The following LRRC7 variants were observed in gnomAD, a reference collection of about 807,000 sequenced individuals.
LRRC7 encodes leucine-rich repeat-containing protein 7.
Under a neutral mutation model 175.7 loss-of-function variants are expected in LRRC7, and 23 were observed. The ratio of observed to expected loss-of-function variants is 0.13; its 90% CI spans 0.09 to 0.19. The LOEUF (loss-of-function observed/expected upper bound fraction) is 0.19. Among genes scored for constraint, LRRC7 ranks in the 10% least tolerant of loss-of-function variants. The probability of loss-of-function intolerance (pLI) is 1.00; values close to 1 mark genes in which losing one functional copy is unlikely to be tolerated. For missense variants in LRRC7, 1,354 were observed against 1,904.7 expected (o/e 0.71, Z 5.38); for synonymous variants, 685 against 680.9 (o/e 1.01, Z -0.09).
intron 1 of LRRC7, among the ~76,000 whole-genome samples, chr1:69,639,542 G>A (rs1653886942): frequency 6.6e-6 from 1 of 151,776 alleles, no homozygotes; most frequent in African/African-American, 2.4e-5. Flanking sequence ...TGTTGATTCT[G>A]TGAAGACAGG....
Position 70,135,564 on chromosome 1 carries a change from C to T in LRRC7, c.*13677C>T, listed in dbSNP as rs1282028953. Reference sequence around the variant, plus strand: ...AAACATCTCACGCACTCCTCCCCAACCCCGACTCCAAGGGTGCTGCTTGTC... The same window carrying T: ...AAACATCTCACGCACTCCTCCCCAATCCCGACTCCAAGGGTGCTGCTTGTC... On this transcript the variant is annotated 3_prime_UTR_variant, in exon 27 of 27. Transcript: ENST00000651989. 6.6e-6 allele frequency among the ~76,000 whole-genome samples: 1 copy of T among 152,184 alleles called. No homozygotes were observed. The highest frequency in any genetic ancestry group is 2.4e-5 in the African/African-American group (1 of 41,438).
intron 24 of LRRC7, 48 bp downstream of exon 24, chr1:70,076,346 C>T (rs1662775927): frequency 6.4e-7 from 1 of 1,557,274 alleles, no homozygotes; most frequent in East Asian, 2.3e-5. Flanking sequence ...TAAGAAAAGT[C>T]CAAAGAATCC....
At chr1:69,760,538 T>A (rs946013321) in intron 3 of LRRC7, 145 bp downstream of exon 3, 7 of 689,294 alleles carry the variant, frequency 1.0e-5, no homozygotes, top group African/African-American at 9.1e-5. Context: ...CCCAATATTC[T>A]CATTACCTTT....
chr1:69,789,142 T>C (rs1674827697), intron 3 of LRRC7, among the ~76,000 whole-genome samples: 1 of 152,154 alleles, frequency 6.6e-6, no homozygotes, highest in Non-Finnish European at 1.5e-5. Context: ...CAGTTCTAAA[T>C]GTTTACTTTG....
chr1:69,836,668 C>G (rs549235902), intron 6 of LRRC7, among the ~76,000 whole-genome samples: 2 of 151,688 alleles, frequency 1.3e-5, no homozygotes, highest in African/African-American at 4.8e-5. Flanking sequence ...CTTGAAATTC[C>G]TTTTAAAACC....
intron 2 of LRRC7, among the ~76,000 whole-genome samples, chr1:69,757,356 G>A (rs962800913): frequency 1.3e-5 from 2 of 151,900 alleles, no homozygotes; most frequent in Admixed American, 6.6e-5. Context: ...ATTACCTTAG[G>A]GGAGAACCAA....
At chr1:70,104,877 A>G (rs1665038446) in intron 25 of LRRC7, among the ~76,000 whole-genome samples, 1 of 152,240 alleles carries the variant, frequency 6.6e-6, no homozygotes, top group Non-Finnish European at 1.5e-5. Context: ...TACAAACATT[A>G]TTAAAACTGT....
chr1:69,803,236 A>G (rs1676729479), intron 4 of LRRC7, among the ~76,000 whole-genome samples: 1 of 151,334 alleles, frequency 6.6e-6, no homozygotes, highest in African/African-American at 2.4e-5. Flanking sequence ...GTGTTTTGCC[A>G]TTCTTAATAC....
At chr1:69,687,854 G>C (rs1053727616) in intron 2 of LRRC7, among the ~76,000 whole-genome samples, 1 of 152,094 alleles carries the variant, frequency 6.6e-6, no homozygotes, top group African/African-American at 2.4e-5. Context: ...AAATCATTTT[G>C]ATTAGTGACA....
At chr1:69,976,142 G>A (rs1328024550) in intron 8 of LRRC7, among the ~76,000 whole-genome samples, 1 of 152,118 alleles carries the variant, frequency 6.6e-6, no homozygotes. Context: ...GGATTCTCTA[G>A]AGGGACAGAA....
chr1:69,689,017 G>A (rs757421123), intron 2 of LRRC7, among the ~76,000 whole-genome samples: 1 of 152,140 alleles, frequency 6.6e-6, no homozygotes, highest in Admixed American at 6.5e-5. Context: ...AGGAATCAGG[G>A]CACTAATGTC....
intron 7 of LRRC7, among the ~76,000 whole-genome samples, chr1:69,863,894 C>G (rs1248898470): frequency 6.6e-6 from 1 of 152,126 alleles, no homozygotes; most frequent in African/African-American, 2.4e-5. Context: ...TGTTTCTACA[C>G]TCCTTAAGAT....
At chr1:69,692,082 T>C (rs1402944037) in intron 2 of LRRC7, among the ~76,000 whole-genome samples, 1 of 152,116 alleles carries the variant, frequency 6.6e-6, no homozygotes, top group Non-Finnish European at 1.5e-5. Flanking sequence ...ACTCTAGAAA[T>C]GGGCATACCT....
chr1:69,860,084 A>G (rs979147846), intron 7 of LRRC7, among the ~76,000 whole-genome samples: 1 of 151,972 alleles, frequency 6.6e-6, no homozygotes, highest in African/African-American at 2.4e-5. Context: ...TTATGCACAC[A>G]TCAATACTCT....
Position 70,129,530 on chromosome 1 carries a change from G to A in LRRC7, c.*7643G>A, listed in dbSNP as rs565271714. On this transcript the variant is annotated 3_prime_UTR_variant, in exon 27 of 27. Coordinates refer to ENST00000651989, the MANE Select transcript of LRRC7 (RefSeq NM_001370785.2). Reference sequence around the variant, plus strand: ...GAGATGGAATTCAACACTTTAAAAAGTGTGGGGGGGTTGCTTGAAAAGAGT... The same window carrying A: ...GAGATGGAATTCAACACTTTAAAAAATGTGGGGGGGTTGCTTGAAAAGAGT... 3.2e-4 allele frequency among the ~76,000 whole-genome samples: 49 copies of A among 152,256 alleles called. No individual in the cohort carries two copies. Among genetic ancestry groups the A allele is most frequent in the Non-Finnish European group, 1.5e-5 (1 of 68,016 alleles).
intron 24 of LRRC7, among the ~76,000 whole-genome samples, chr1:70,086,819 C>T (rs1558057294): frequency 6.6e-6 from 1 of 152,170 alleles, no homozygotes; most frequent in East Asian, 1.9e-4. Flanking sequence ...TAGACCTAAT[C>T]TTTTACTAGA....
At chr1:69,919,948 G>A in intron 7 of LRRC7, 1 of 593,454 alleles carries the variant, frequency 1.7e-6, no homozygotes, top group Non-Finnish European at 3.1e-6. Flanking sequence ...TTACCAAAAT[G>A]GCTGGGAGGG....
intron 23 of LRRC7, among the ~76,000 whole-genome samples, chr1:70,070,530 T>C (rs1662302770): frequency 6.6e-6 from 1 of 152,182 alleles, no homozygotes; most frequent in African/African-American, 2.4e-5. Flanking sequence ...TGGGCACTTT[T>C]ATATTATGTT....
rs1365178541 is a variant in LRRC7 at position 70,131,754 on chromosome 1, T to G, written c.*9867T>G. ...AACTCTCCAGGGGCCTACTCTTTGG[T>G]ATCTTATAGCCCAGTGTCTATACAT... is the stretch of plus-strand genomic sequence containing the variant. On this transcript the variant is annotated 3_prime_UTR_variant, in exon 27 of 27. Coordinates refer to ENST00000651989, the MANE Select transcript of LRRC7 (RefSeq NM_001370785.2). Among the ~76,000 whole-genome samples, 1 of 152,176 alleles carries G rather than the reference T, an allele frequency of 6.6e-6. No homozygotes were observed. The highest frequency in any genetic ancestry group is 1.5e-5 in the Non-Finnish European group (1 of 68,032).
Sources: allele counts gnomAD v4.1 joint callset (sites outside exome capture counted in the v4.1 genomes callset), GRCh38; gene constraint gnomAD v4.1.1; transcripts MANE v1.5; gene names NCBI Gene and HGNC (gene_info 2026-07-23, HGNC 2026-07-21).